Variants in SCN8A observed in about 807,000 individuals in gnomAD.
SCN8A encodes sodium voltage-gated channel alpha subunit 8.
A neutral mutation model predicts 184.1 loss-of-function variants in SCN8A; 30 were observed. The observed-to-expected ratio is 0.16, with a 90% CI of 0.12 to 0.22. SCN8A has a LOEUF of 0.22. SCN8A is among the 10% of genes least tolerant of loss of function. The pLI is 1.00. For missense variants in SCN8A, 1,057 were observed against 2,498.9 expected (o/e 0.42, Z 12.30); for synonymous variants, 852 against 907.0 (o/e 0.94, Z 1.09).
intron 12 of SCN8A, among the ~76,000 whole-genome samples, chr12:51,733,549 G>C (rs988747734): frequency 6.6e-6 from 1 of 152,114 alleles, no homozygotes; most frequent in African/African-American, 2.4e-5. Context: ...ATATTTCCAT[G>C]TCTGGTTTTA....
At chr12:51,612,923 A>G (rs1301956714) in intron 1 of SCN8A, among the ~76,000 whole-genome samples, 2 of 152,096 alleles carry the variant, frequency 1.3e-5, no homozygotes, top group Non-Finnish European at 2.9e-5. Context: ...GGGTTTCACC[A>G]TATTGGCCAG....
At chr12:51,794,728 C>T in intron 26 of SCN8A, 87 bp downstream of exon 26, 7 of 1,367,438 alleles carry the variant, frequency 5.1e-6, no homozygotes, top group Non-Finnish European at 7.1e-6. Context: ...ATGAATGACA[C>T]AGGTCTGAAG....
intron 1 of SCN8A, among the ~76,000 whole-genome samples, chr12:51,650,480 G>A (rs942251793): frequency 8.0e-5 from 12 of 150,856 alleles, no homozygotes; most frequent in East Asian, 2.0e-4. Flanking sequence ...GAGGCCTCAC[G>A]ATCATGGCGG....
At position 51,737,999 on chromosome 12, in the gene SCN8A, G is replaced by A. The variant is rs776708137; in HGVS notation, c.1999-7904G>A. Among the ~76,000 whole-genome samples the A allele has an allele frequency of 3.9e-5, 6 of 152,180 alleles. No individual in the cohort carries two copies. The South Asian group carries it at 8.3e-4, about 21-fold the overall frequency. ...AGCCTCCAATTTTTCTTTACTTAGC[G>A]GCCATTGTTCTATCCAAATTGGCTT... On this transcript the variant is annotated intron_variant, in intron 12 of 26. Transcript: ENST00000627620.
At chr12:51,786,049 C>T (rs908813744) in intron 21 of SCN8A, among the ~76,000 whole-genome samples, 8 of 152,024 alleles carry the variant, frequency 5.3e-5, no homozygotes, top group African/African-American at 1.9e-4. Context: ...ACTGGCCTTG[C>T]GTAGTCATAA....
At chr12:51,655,589 G>T (rs1412125882) in intron 1 of SCN8A, among the ~76,000 whole-genome samples, 1 of 152,010 alleles carries the variant, frequency 6.6e-6, no homozygotes, top group Non-Finnish European at 1.5e-5. Flanking sequence ...GCCCAGGCTG[G>T]TATCAAACTT....
Position 51,715,952 on chromosome 12 carries a change from T to G in SCN8A, c.1636-5594T>G, listed in dbSNP as rs113557529. ...TATGTGCAAAGCACTCTGGGAGATA[T>G]AAGGATGAATCAGTCAATGTGCCCT... On this transcript the variant is annotated intron_variant, in intron 11 of 26. Transcript: ENST00000627620. Among the ~76,000 whole-genome samples, 1,429 of 152,308 alleles carry G rather than the reference T, an allele frequency of 9.4e-3. 15 individuals are homozygous for G. The highest frequency in any genetic ancestry group is 0.014 in the Non-Finnish European group (962 of 68,038).
At position 51,780,517 on chromosome 12, in the gene SCN8A, G is replaced by T. The variant is rs2304698; in HGVS notation, c.3820-132G>T. ...TACCTGGGGGGCCCAATCTGTGTCT[G>T]CAGTGCTAGGGGCTTTATTCTAACA... On this transcript the variant is annotated intron_variant, in intron 20 of 26. Coordinates refer to ENST00000627620, the MANE Select transcript of SCN8A (RefSeq NM_001330260.2). The T allele has an allele frequency of 0.11, 70,386 of 613,574 alleles. 6,400 individuals carry two copies. The highest frequency in any genetic ancestry group is 0.4 in the East Asian group (9,400 of 23,438). The allele number at this position is 613,574 out of a possible 1,614,324, so 38.0% of individuals were successfully genotyped here.
intron 14 of SCN8A, among the ~76,000 whole-genome samples, chr12:51,757,687 C>T (rs762800788): frequency 1.3e-5 from 2 of 152,070 alleles, no homozygotes; most frequent in Non-Finnish European, 2.9e-5. Flanking sequence ...TTTGGGAGGC[C>T]GAGGTGAGAG....
At chr12:51,794,289 G>A (rs1464908019) in intron 25 of SCN8A, 82 bp from the exon 26 acceptor site, 6 of 1,406,814 alleles carry the variant, frequency 4.3e-6, no homozygotes, top group Admixed American at 1.9e-5. Context: ...AGGGTACCTC[G>A]ATTAGCAGGG....
intron 1 of SCN8A, among the ~76,000 whole-genome samples, chr12:51,641,900 C>T (rs1940462733): frequency 6.6e-6 from 1 of 152,344 alleles, no homozygotes; most frequent in South Asian, 2.1e-4. Flanking sequence ...ACCACACACA[C>T]ACACTCAAAT....
At chr12:51,602,856 T>C (rs1290281705) in intron 1 of SCN8A, among the ~76,000 whole-genome samples, 1 of 152,200 alleles carries the variant, frequency 6.6e-6, no homozygotes, top group African/African-American at 2.4e-5. Context: ...CACTACTTTC[T>C]TCACAAGAAT....
At chr12:51,791,622 A>G (rs532322555) in intron 25 of SCN8A, among the ~76,000 whole-genome samples, 6 of 152,376 alleles carry the variant, frequency 3.9e-5, no homozygotes, top group African/African-American at 1.4e-4. Flanking sequence ...AGTTCTGTTT[A>G]GTACTTTCCA....
intron 6 of SCN8A, among the ~76,000 whole-genome samples, chr12:51,691,302 T>A (rs1016872153): frequency 6.6e-6 from 1 of 152,214 alleles, no homozygotes; most frequent in Non-Finnish European, 1.5e-5. Context: ...GTCTCTAGTC[T>A]AGCTCATAGC....
intron 1 of SCN8A, among the ~76,000 whole-genome samples, chr12:51,602,093 C>T (rs1292418950): frequency 6.6e-6 from 1 of 151,762 alleles, no homozygotes; most frequent in African/African-American, 2.4e-5. Context: ...ATCCTAGAAC[C>T]TAGAAAGAAC....
At chr12:51,622,035 A>T (rs1939973806) in intron 1 of SCN8A, among the ~76,000 whole-genome samples, 1 of 152,210 alleles carries the variant, frequency 6.6e-6, no homozygotes, top group South Asian at 2.1e-4. Flanking sequence ...AGAAAGAGGT[A>T]CCCAATAACA....
In SCN8A at chr12:51,759,636, G is replaced by A. The variant is rs574782514; in HGVS notation, c.2371-2867G>A. Among the ~76,000 whole-genome samples the A allele has an allele frequency of 8.7e-4, 133 of 152,274 alleles. 2 individuals carry two copies. The highest frequency in any genetic ancestry group is 5.6e-3 in the East Asian group (29 of 5,186). ...GGTACTTCTGAAGTTGGAAAAGAGC[G>A]GACCATGTGCTTCCTGAGAGGGCCT... On this transcript the variant is annotated intron_variant, in intron 14 of 26. Transcript: ENST00000627620.
intron 1 of SCN8A, among the ~76,000 whole-genome samples, chr12:51,627,220 G>C (rs1425872157): frequency 6.6e-6 from 1 of 152,120 alleles, no homozygotes. Context: ...TAAAGCCTCA[G>C]TTTCCTTGTT....
chr12:51,723,559 A>G (rs985873151), intron 12 of SCN8A, among the ~76,000 whole-genome samples: 3 of 152,016 alleles, frequency 2.0e-5, no homozygotes, highest in Admixed American at 6.6e-5. Flanking sequence ...TTACTCTTAC[A>G]TGCATTATTT....
Sources: allele counts gnomAD v4.1 joint callset (sites outside exome capture counted in the v4.1 genomes callset), GRCh38; gene constraint gnomAD v4.1.1; transcripts MANE v1.5; gene names NCBI Gene and HGNC (gene_info 2026-07-23, HGNC 2026-07-21).